Variants in WWOX observed in about 807,000 individuals in gnomAD.
WWOX encodes the protein WW domain containing oxidoreductase, also known as WW domain-containing oxidoreductase.
A neutral mutation model predicts 46.2 loss-of-function variants in WWOX; 69 were observed. The ratio of observed to expected loss-of-function variants is 1.49; its 90% CI spans 1.23 to 1.82. WWOX has a LOEUF of 1.82. Among genes scored for constraint, WWOX ranks in the 40% most tolerant of loss-of-function variants. The pLI is 0.00. For missense variants in WWOX, 919 were observed against 542.6 expected (o/e 1.69, Z -6.89); for synonymous variants, 359 against 202.6 (o/e 1.77, Z -6.56).
At chr16:79,097,628 A>G (rs1351637730) in intron 8 of WWOX, among the ~76,000 whole-genome samples, 1 of 152,166 alleles carries the variant, frequency 6.6e-6, no homozygotes, top group Non-Finnish European at 1.5e-5. Context: ...GACATTCAAC[A>G]TCGTACTCCA....
chr16:78,288,319 C>T (rs1382517225), intron 5 of WWOX, among the ~76,000 whole-genome samples: 1 of 146,874 alleles, frequency 6.8e-6, no homozygotes, highest in Non-Finnish European at 1.5e-5. Context: ...AATTCATTAC[C>T]AAGTGATAGG....
intron 8 of WWOX, among the ~76,000 whole-genome samples, chr16:78,623,363 G>A (rs937521427): frequency 6.6e-6 from 1 of 152,124 alleles, no homozygotes; most frequent in African/African-American, 2.4e-5. Context: ...GGAGAGATGG[G>A]AATTTGATGA....
At chr16:78,464,966 T>C (rs1182068809) in intron 8 of WWOX, among the ~76,000 whole-genome samples, 2 of 152,216 alleles carry the variant, frequency 1.3e-5, no homozygotes, top group African/African-American at 4.8e-5. Flanking sequence ...CTCAAAATTA[T>C]GGCAGAAGGC....
intron 8 of WWOX, among the ~76,000 whole-genome samples, chr16:79,032,069 T>A (rs866471987): frequency 1.4e-5 from 2 of 144,156 alleles, no homozygotes; most frequent in African/African-American, 2.5e-5. Flanking sequence ...AATATATATA[T>A]TATATATATA....
In WWOX at chr16:79,092,460, T is replaced by G. The variant is rs148710413; in HGVS notation, c.1057-119148T>G. On this transcript the variant is annotated intron_variant, in intron 8 of 8. Transcript: ENST00000566780. ...CCTCATGGATGTGCACCCTTGCTCA[T>G]CACCATCTCACCACCAGGCTGACCC... 3.1e-3 allele frequency among the ~76,000 whole-genome samples: 469 copies of G among 152,246 alleles called. 2 individuals carry two copies. Among genetic ancestry groups the G allele is most frequent in the African/African-American group, 0.01 (430 of 41,540 alleles).
At chr16:78,321,402 A>C (rs146157439) in intron 5 of WWOX, among the ~76,000 whole-genome samples, 2 of 125,356 alleles carry the variant, frequency 1.6e-5, no homozygotes, top group African/African-American at 5.9e-5. Flanking sequence ...ACGTATATAT[A>C]CGTATATATA....
intron 8 of WWOX, among the ~76,000 whole-genome samples, chr16:78,798,626 T>C (rs955898076): frequency 2.0e-5 from 3 of 151,620 alleles, no homozygotes; most frequent in Admixed American, 1.3e-4. Context: ...TACAGTGATC[T>C]TTCCATATAG....
chr16:78,809,788 G>A (rs553874016), intron 8 of WWOX, among the ~76,000 whole-genome samples: 47 of 152,240 alleles, frequency 3.1e-4, no homozygotes, highest in African/African-American at 8.9e-4. Context: ...GGAGGATAGC[G>A]GTGTGTTCAG....
chr16:78,765,921 G>A (rs2049915637), intron 8 of WWOX, among the ~76,000 whole-genome samples: 1 of 152,204 alleles, frequency 6.6e-6, no homozygotes, highest in Non-Finnish European at 1.5e-5. Context: ...GCCCATTGGT[G>A]TGAGGAGTGA....
chr16:78,601,631 A>C (rs965667896), intron 8 of WWOX, among the ~76,000 whole-genome samples: 1 of 152,224 alleles, frequency 6.6e-6, no homozygotes, highest in African/African-American at 2.4e-5. Context: ...ATGTAAATCA[A>C]GAAGCTATGA....
At chr16:78,928,203 CTTTTTTTTTT>C (rs969068848) in intron 8 of WWOX, among the ~76,000 whole-genome samples, 1 of 134,220 alleles carries the variant, frequency 7.5e-6, no homozygotes, top group African/African-American at 2.8e-5. Context: ...TACCACTTTT[CTTTTTTTTTT>C]TTTTTTTGAG....
intron 8 of WWOX, among the ~76,000 whole-genome samples, chr16:78,742,355 A>G (rs2049250182): frequency 1.3e-5 from 2 of 152,188 alleles, no homozygotes; most frequent in Non-Finnish European, 2.9e-5. Flanking sequence ...AGCAGGACAG[A>G]GCCCCACTTC....
intron 8 of WWOX, among the ~76,000 whole-genome samples, chr16:78,691,964 G>A (rs2047999621): frequency 6.6e-6 from 1 of 152,106 alleles, no homozygotes; most frequent in Non-Finnish European, 1.5e-5. Context: ...AGATCTGATG[G>A]GTGTATCAGG....
chr16:78,781,317 A>T (rs2050318038), intron 8 of WWOX, among the ~76,000 whole-genome samples: 1 of 152,132 alleles, frequency 6.6e-6, no homozygotes. Flanking sequence ...AGTTGGAAGG[A>T]CAGGAAAGGG....
At chr16:78,200,835 G>GA (rs1272816500) in intron 5 of WWOX, among the ~76,000 whole-genome samples, 2 of 152,088 alleles carry the variant, frequency 1.3e-5, no homozygotes, top group African/African-American at 4.8e-5. Context: ...TGCTGGAGGG[G>GA]AAAACAGGCA....
At position 79,092,231 on chromosome 16, in the gene WWOX, A is replaced by G. The variant is rs76774812; in HGVS notation, c.1057-119377A>G. ...ATTTATGACTAATAGGATTCATTACATGTGTGTTTAGCCCACCGATTATTA... is the reference window on the plus strand; with the variant it reads ...ATTTATGACTAATAGGATTCATTACGTGTGTGTTTAGCCCACCGATTATTA... On this transcript the variant is annotated intron_variant, in intron 8 of 8. Coordinates refer to ENST00000566780, the MANE Select transcript of WWOX (RefSeq NM_016373.4). 3.7e-3 allele frequency among the ~76,000 whole-genome samples: 570 copies of G among 152,252 alleles called. 1 individual carries two copies. The highest frequency in any genetic ancestry group is 7.1e-3 in the Admixed American group (109 of 15,288).
At chr16:78,786,179 G>C (rs2050451504) in intron 8 of WWOX, among the ~76,000 whole-genome samples, 1 of 152,148 alleles carries the variant, frequency 6.6e-6, no homozygotes, top group Admixed American at 6.5e-5. Flanking sequence ...CAAAGTGCTG[G>C]GATTACAGGC....
chr16:79,032,720 G>C (rs1178345241), intron 8 of WWOX, among the ~76,000 whole-genome samples: 2 of 150,764 alleles, frequency 1.3e-5, no homozygotes, highest in African/African-American at 4.9e-5. Flanking sequence ...TTGAACTCCT[G>C]AACCAGCCTT....
At chr16:78,466,512 C>T (rs1179642033) in intron 8 of WWOX, among the ~76,000 whole-genome samples, 3 of 152,098 alleles carry the variant, frequency 2.0e-5, no homozygotes, top group Non-Finnish European at 4.4e-5. Context: ...ATACATGTGG[C>T]ATATTAAGCT....
Sources: allele counts gnomAD v4.1 joint callset (sites outside exome capture counted in the v4.1 genomes callset), GRCh38; gene constraint gnomAD v4.1.1; transcripts MANE v1.5; gene names NCBI Gene and HGNC (gene_info 2026-07-23, HGNC 2026-07-21).